Variants in PCDHA9 observed in about 807,000 individuals in gnomAD.
PCDHA9 encodes the protein protocadherin alpha-9.
In PCDHA9, 62 loss-of-function variants were observed where a neutral mutation model predicts 62.0. The ratio of observed to expected loss-of-function variants is 1.00; its 90% confidence interval spans 0.81 to 1.23. The LOEUF (loss-of-function observed/expected upper bound fraction) is 1.23. PCDHA9 is among the 50% of genes most tolerant of loss of function. PCDHA9 has a pLI of 0.00. For synonymous variants in PCDHA9, 557 were observed against 567.6 expected (o/e 0.98, Z 0.27); for missense variants, 1,205 against 1,249.8 (o/e 0.96, Z 0.54).
intron 1 of PCDHA9, among the ~76,000 whole-genome samples, chr5:140,880,789 A>G (rs917582554): frequency 1.3e-5 from 2 of 152,230 alleles, no homozygotes; most frequent in African/African-American, 4.8e-5. Flanking sequence ...TAGAGGAGTA[A>G]TATAAATAGG....
At chr5:140,986,052 C>A (rs896963006) in intron 3 of PCDHA9, among the ~76,000 whole-genome samples, 3 of 152,066 alleles carry the variant, frequency 2.0e-5, no homozygotes, top group Admixed American at 1.3e-4. Flanking sequence ...CTGATGAATT[C>A]TTTTGCTTTT....
intron 1 of PCDHA9, among the ~76,000 whole-genome samples, chr5:140,936,138 C>G (rs1396548448): frequency 6.6e-6 from 1 of 152,074 alleles, no homozygotes; most frequent in African/African-American, 2.4e-5. Context: ...AGTGATCTGC[C>G]CGCCTTGGCC....
chr5:140,962,637 T>A (rs556134281), intron 1 of PCDHA9, among the ~76,000 whole-genome samples: 3 of 152,338 alleles, frequency 2.0e-5, no homozygotes, highest in Admixed American at 6.5e-5. Flanking sequence ...AATTTAGCCA[T>A]CAAGTTATGT....
intron 1 of PCDHA9, among the ~76,000 whole-genome samples, chr5:140,937,127 T>TC: frequency 6.7e-6 from 1 of 149,014 alleles, no homozygotes. Context: ...AAGCTCCGCC[T>TC]CCCGGGTTCA....
At chr5:140,956,009 CTT>C (rs2095247878) in intron 1 of PCDHA9, among the ~76,000 whole-genome samples, 1 of 152,192 alleles carries the variant, frequency 6.6e-6, no homozygotes, top group Non-Finnish European at 1.5e-5. Flanking sequence ...TATCCTGAGA[CTT>C]TGCTGAAGTT....
chr5:140,897,727 T>G (rs1468942464), intron 1 of PCDHA9, among the ~76,000 whole-genome samples: 1 of 152,148 alleles, frequency 6.6e-6, no homozygotes, highest in Non-Finnish European at 1.5e-5. Context: ...CTGGGTCAAA[T>G]AGTATTTCTA....
Position 140,991,900 on chromosome 5 carries a change from ATCCC to A in PCDHA9, c.2542+9339_2542+9342del, listed in dbSNP as rs576684602. Reference sequence around the variant, plus strand: ...GGCTGCCATAACAAATTAACACAAAATCCCTTTTGCCATGTAACATAACATATTC... The same window carrying A: ...GGCTGCCATAACAAATTAACACAAAATTTTGCCATGTAACATAACATATTC... On this transcript the variant is annotated intron_variant, in intron 3 of 3. Coordinates refer to ENST00000532602, the MANE Select transcript of PCDHA9 (RefSeq NM_031857.2). Among the ~76,000 whole-genome samples, 390 of 152,250 alleles carry A rather than the reference ATCCC, an allele frequency of 2.6e-3. 2 individuals carry two copies. The highest frequency in any genetic ancestry group is 4.8e-3 in the South Asian group (23 of 4,818).
chr5:140,927,967 AT>A, intron 1 of PCDHA9: 1 of 1,614,172 alleles, frequency 6.2e-7, no homozygotes, highest in Non-Finnish European at 8.5e-7. Context: ...TGGCACAGTG[AT>A]TGCTCTCTTT....
chr5:140,857,551 C>G (rs781926711), intron 1 of PCDHA9: 5 of 1,596,944 alleles, frequency 3.1e-6, no homozygotes. Flanking sequence ...TGGGCGAGCG[C>G]TCGCTGTCGA....
At chr5:140,909,038 A>C (rs1396337089) in intron 1 of PCDHA9, among the ~76,000 whole-genome samples, 1 of 152,126 alleles carries the variant, frequency 6.6e-6, no homozygotes, top group African/African-American at 2.4e-5. Context: ...TTTATTTTCC[A>C]TACTCTGGCA....
At chr5:140,942,544 G>A (rs546340510) in intron 1 of PCDHA9, among the ~76,000 whole-genome samples, 105 of 152,118 alleles carry the variant, frequency 6.9e-4, no homozygotes, top group African/African-American at 2.5e-3. Flanking sequence ...TATGGTGGGG[G>A]GTAGGGGGTT....
chr5:140,885,053 A>T (rs2060447405), intron 1 of PCDHA9, among the ~76,000 whole-genome samples: 1 of 152,248 alleles, frequency 6.6e-6, no homozygotes, highest in African/African-American at 2.4e-5. Flanking sequence ...ATGTATACAT[A>T]TACCCACAAG....
At chr5:140,981,583 T>TA (rs2096939530) in intron 2 of PCDHA9, among the ~76,000 whole-genome samples, 1 of 152,098 alleles carries the variant, frequency 6.6e-6, no homozygotes, top group Non-Finnish European at 1.5e-5. Flanking sequence ...CAAAAATAAA[T>TA]AAAATAAAAC....
intron 1 of PCDHA9, chr5:140,857,029 A>G: frequency 1.3e-6 from 2 of 1,596,504 alleles, no homozygotes; most frequent in Non-Finnish European, 1.7e-6. Context: ...AGGGAAACCC[A>G]CCTATGGTTG....
In PCDHA9 at chr5:141,010,257, G is replaced by T; in HGVS notation, c.*320G>T. On this transcript the variant is annotated 3_prime_UTR_variant, in exon 4 of 4. Coordinates refer to ENST00000532602, the MANE Select transcript of PCDHA9 (RefSeq NM_031857.2). ...AGTGAGAGGTTGGACTCTCTGCCCT[G>T]TGCTCCGGGGATCCTGTCTTGATGA... 6.4e-7 allele frequency: 1 copy of T among 1,551,794 alleles called. No homozygotes were observed. The highest frequency in any genetic ancestry group is 8.7e-7 in the Non-Finnish European group (1 of 1,147,016).
chr5:140,985,273 T>C (rs1554246915), intron 3 of PCDHA9, among the ~76,000 whole-genome samples: 1 of 152,178 alleles, frequency 6.6e-6, no homozygotes, highest in African/African-American at 2.4e-5. Context: ...GGACTACTTT[T>C]CTGCAATCTA....
intron 1 of PCDHA9, among the ~76,000 whole-genome samples, chr5:140,934,826 A>C (rs556197038): frequency 1.1e-4 from 17 of 152,294 alleles, no homozygotes; most frequent in South Asian, 1.0e-3. Context: ...TAACTTTGGC[A>C]AGTTGGGAAC....
intron 1 of PCDHA9, chr5:140,853,687 T>C (rs1025605569): frequency 3.0e-6 from 3 of 988,362 alleles, no homozygotes; most frequent in African/African-American, 3.5e-5. Context: ...AACCTATCCT[T>C]AGACCTGCTA....
chr5:141,000,395 C>CTCTATAAA (rs1213762225), intron 3 of PCDHA9, among the ~76,000 whole-genome samples: 2 of 53,986 alleles, frequency 3.7e-5, no homozygotes, highest in African/African-American at 1.5e-4. Context: ...CTCTCTCTCT[C>CTCTATAAA]TATATATATA....
Sources: gnomAD v4.1 joint callset for allele counts (sites outside exome capture counted in the v4.1 genomes callset) on GRCh38, gnomAD v4.1.1 for gene constraint, MANE v1.5 for transcripts, NCBI Gene and HGNC (gene_info 2026-07-23, HGNC 2026-07-21) for gene names.